PCSK5: variants seen among roughly 807,000 people sequenced by gnomAD.
PCSK5 encodes proprotein convertase subtilisin/kexin type 5.
PCSK5 carries 129 observed loss-of-function variants against 233.2 expected under a neutral mutation model. The ratio of observed to expected loss-of-function variants is 0.55; its 90% CI spans 0.48 to 0.64. PCSK5 has a LOEUF of 0.64. Among genes scored for constraint, PCSK5 ranks in the 30% least tolerant of loss-of-function variants. The probability of loss-of-function intolerance (pLI) is 0.00; values close to 1 mark genes in which losing one functional copy is unlikely to be tolerated. For missense variants in PCSK5, 2,076 were observed against 2,430.1 expected (o/e 0.85, Z 3.06); for synonymous variants, 825 against 879.2 (o/e 0.94, Z 1.09).
intron 20 of PCSK5, among the ~76,000 whole-genome samples, chr9:76,209,212 A>G (rs759103028): frequency 3.9e-5 from 6 of 152,216 alleles, no homozygotes; most frequent in Non-Finnish European, 5.9e-5. Context: ...CTTTCAGAAC[A>G]ACTCCAGCGT....
intron 24 of PCSK5, among the ~76,000 whole-genome samples, chr9:76,260,575 T>C (rs577873559): frequency 6.6e-6 from 1 of 152,118 alleles, no homozygotes; most frequent in South Asian, 2.1e-4. Context: ...CCTCAGCTGA[T>C]AGCTAGCAAG....
At chr9:76,064,257 A>G (rs1830171156) in intron 5 of PCSK5, among the ~76,000 whole-genome samples, 2 of 90,504 alleles carry the variant, frequency 2.2e-5, no homozygotes, top group Non-Finnish European at 4.0e-5. Context: ...TCCCTCCTGG[A>G]CGGGGTGGCT....
chr9:75,909,700 A>G (rs1296624614), intron 1 of PCSK5, among the ~76,000 whole-genome samples: 1 of 152,168 alleles, frequency 6.6e-6, no homozygotes, highest in African/African-American at 2.4e-5. Flanking sequence ...CGTCTCAAGA[A>G]AAAAAATGCC....
rs969950198 is a variant in PCSK5 at position 76,189,169 on chromosome 9, G to A, written c.2456G>A (p.Ser819Asn). Residue 819 changes from serine (S) to asparagine (N), a missense_variant, in exon 19 of 38, where the codon AGT becomes AAT. By Grantham distance (46) the Ser-to-Asn change is conservative. This residue lies in a region of PCSK5 where 1,510 missense variants were observed against 1,538.1 expected (regional missense o/e 0.98). Coordinates refer to ENST00000674117, the MANE Select transcript of PCSK5 (RefSeq NM_001372043.1). Reference sequence around the variant, plus strand: ...GATGGGAGATGCGTGCAGAGCTGTAGTATCAGCTATTACTTTGACCACTCT... The same window carrying A: ...GATGGGAGATGCGTGCAGAGCTGTAATATCAGCTATTACTTTGACCACTCT... The part of the protein sequence containing the change: ...MEDGRCVQSC[S>N]ISYYFDHSSE... 6 of 1,608,624 alleles carry A rather than the reference G, an allele frequency of 3.7e-6. No individual in the cohort carries two copies. The highest frequency in any genetic ancestry group is 5.1e-6 in the Non-Finnish European group (6 of 1,175,408).
chr9:76,289,466 T>G (rs1435524845), intron 24 of PCSK5, among the ~76,000 whole-genome samples: 1 of 107,736 alleles, frequency 9.3e-6, no homozygotes, highest in African/African-American at 4.0e-5. Context: ...CCCATTCCCC[T>G]CACCACACAC....
intron 20 of PCSK5, among the ~76,000 whole-genome samples, chr9:76,210,283 G>T (rs1296652718): frequency 6.6e-6 from 1 of 152,104 alleles, no homozygotes; most frequent in Non-Finnish European, 1.5e-5. Context: ...CTGGAAAATG[G>T]TATATAACAT....
Position 76,323,054 on chromosome 9 carries a change from T to C in PCSK5, c.4105T>C (p.Cys1369Arg). Residue 1369 changes from cysteine (C) to arginine (R), a missense_variant and splice_region_variant, in exon 32 of 38, where the codon TGC becomes CGC. By Grantham distance (180) the Cys-to-Arg change is radical. This residue lies in a region of PCSK5 where 1,510 missense variants were observed against 1,538.1 expected (regional missense o/e 0.98). Transcript: ENST00000674117. ...TTGCTGCTTCCTCCTTTTCCCAGAG[T>C]GCACGCCTGAGTTCTTCCTGCACGA... ...DCIHEKTCKECTPEFFLHDDM... is the reference protein window; with the variant it reads ...DCIHEKTCKERTPEFFLHDDM... The C allele has an allele frequency of 6.4e-7, 1 of 1,574,154 alleles. No individual in the cohort carries two copies. The highest frequency in any genetic ancestry group is 8.7e-7 in the Non-Finnish European group (1 of 1,152,242).
intron 35 of PCSK5, among the ~76,000 whole-genome samples, chr9:76,342,923 T>A (rs1333815020): frequency 6.6e-6 from 1 of 152,154 alleles, no homozygotes; most frequent in African/African-American, 2.4e-5. Flanking sequence ...ACCTACCCCT[T>A]AAATATCTCC....
intron 1 of PCSK5, among the ~76,000 whole-genome samples, chr9:75,893,588 CGAGATGGGA>C (rs1289245195): frequency 6.6e-6 from 1 of 152,080 alleles, no homozygotes; most frequent in Non-Finnish European, 1.5e-5. Context: ...TCTGGCATAG[CGAGATGGGA>C]GAAATTGTCA....
intron 1 of PCSK5, among the ~76,000 whole-genome samples, chr9:75,909,605 G>C (rs1822635399): frequency 1.3e-5 from 2 of 152,148 alleles, no homozygotes. Context: ...TGAGGCAGGA[G>C]AATTGCTTGA....
intron 5 of PCSK5, among the ~76,000 whole-genome samples, chr9:76,046,752 G>A (rs1301873413): frequency 6.6e-6 from 1 of 150,736 alleles, no homozygotes; most frequent in Non-Finnish European, 1.5e-5. Flanking sequence ...AGTAGAGACG[G>A]GGTGTCAACG....
intron 3 of PCSK5, among the ~76,000 whole-genome samples, chr9:76,007,075 T>C (rs962546801): frequency 2.0e-5 from 3 of 152,240 alleles, no homozygotes; most frequent in Non-Finnish European, 4.4e-5. Context: ...CCTGATTATA[T>C]TTTCAGTTGA....
Position 76,362,855 on chromosome 9 carries a change from C to T in PCSK5, c.*3933C>T, listed in dbSNP as rs746033858. Among the ~76,000 whole-genome samples, 8 of 152,188 alleles carry T rather than the reference C, an allele frequency of 5.3e-5. No individual in the cohort carries two copies. Among genetic ancestry groups the T allele is most frequent in the Non-Finnish European group, 1.2e-4 (8 of 68,042 alleles). The stretch of plus-strand genomic sequence containing the variant: ...TGCTCAATCGATCATGACCCTCTCA[C>T]GTGGACCCCCTTAGAGTTGTGAGCC... On this transcript the variant is annotated 3_prime_UTR_variant, in exon 38 of 38. Coordinates refer to ENST00000674117, the MANE Select transcript of PCSK5 (RefSeq NM_001372043.1).
At chr9:76,254,854 G>A (rs1032316218) in intron 24 of PCSK5, among the ~76,000 whole-genome samples, 1 of 152,222 alleles carries the variant, frequency 6.6e-6, no homozygotes, top group Non-Finnish European at 1.5e-5. Flanking sequence ...CTGCTCACAT[G>A]CAAATGCGAT....
At chr9:76,325,700 C>G (rs1013820153) in intron 32 of PCSK5, among the ~76,000 whole-genome samples, 3 of 150,986 alleles carry the variant, frequency 2.0e-5, no homozygotes, top group African/African-American at 7.4e-5. Flanking sequence ...TGCAATGGCG[C>G]GATCTGGACT....
intron 2 of PCSK5, among the ~76,000 whole-genome samples, chr9:75,959,745 C>T (rs1280337762): frequency 6.6e-6 from 1 of 152,166 alleles, no homozygotes; most frequent in Non-Finnish European, 1.5e-5. Context: ...CCATTGGTTT[C>T]ATTTGCAGCA....
At chr9:76,254,511 G>T (rs936583114) in intron 24 of PCSK5, among the ~76,000 whole-genome samples, 6 of 151,530 alleles carry the variant, frequency 4.0e-5, no homozygotes, top group African/African-American at 1.5e-4. Context: ...CAAGTATTCT[G>T]TTATCTCACT....
chr9:76,159,606 G>A (rs911849859), intron 12 of PCSK5, among the ~76,000 whole-genome samples: 4 of 152,114 alleles, frequency 2.6e-5, no homozygotes, highest in African/African-American at 9.7e-5. Context: ...TCTGCACAGA[G>A]CCAGACAATA....
At chr9:76,068,628 A>C (rs973686478) in intron 6 of PCSK5, among the ~76,000 whole-genome samples, 1 of 152,216 alleles carries the variant, frequency 6.6e-6, no homozygotes, top group Non-Finnish European at 1.5e-5. Flanking sequence ...TTATACATAC[A>C]CTTACTATAA....
Sources: gnomAD v4.1 joint callset for allele counts (sites outside exome capture counted in the v4.1 genomes callset) on GRCh38, gnomAD v4.1.1 for gene constraint, gnomAD v4.1.1 regional missense constraint, MANE v1.5 for transcripts, NCBI Gene and HGNC (gene_info 2026-07-23, HGNC 2026-07-21) for gene names.